The following CATSPERD variants were observed in gnomAD, a reference collection of about 807,000 sequenced individuals.
CATSPERD encodes cation channel sperm-associated auxiliary subunit delta.
Under a neutral mutation model 98.1 loss-of-function variants are expected in CATSPERD, and 86 were observed. That is an observed-to-expected ratio of 0.88 (90% confidence interval 0.74 to 1.05). CATSPERD has a LOEUF of 1.05. Among genes scored for constraint, CATSPERD ranks in the 50% least tolerant of loss-of-function variants. The pLI is 0.00. For missense variants in CATSPERD, 995 were observed against 1,005.7 expected, an observed-to-expected ratio of 0.99 and a Z score of 0.14; for synonymous variants, 394 against 390.2, an observed-to-expected ratio of 1.01 and a Z score of -0.12.
At chr19:5,754,092 C>A in intron 12 of CATSPERD, 40 bp from the exon 13 acceptor site, 1 of 1,388,090 alleles carries the variant, frequency 7.2e-7, no homozygotes, top group Non-Finnish European at 1.0e-6. Flanking sequence ...TTTATGGGAA[C>A]AGGAGCATGA....
chr19:5,738,302 T>A (rs1336395382), intron 6 of CATSPERD, among the ~76,000 whole-genome samples: 1 of 147,494 alleles, frequency 6.8e-6, no homozygotes, highest in Non-Finnish European at 1.5e-5. Flanking sequence ...AGCTTACAAA[T>A]TCGAGGCTAA....
chr19:5,739,809 A>G (rs1257960311), intron 7 of CATSPERD, among the ~76,000 whole-genome samples: 1 of 146,956 alleles, frequency 6.8e-6, no homozygotes, highest in Admixed American at 7.1e-5. Flanking sequence ...TCTGCTCTCC[A>G]GCTTGAGTGA....
intron 15 of CATSPERD, among the ~76,000 whole-genome samples, chr19:5,762,058 A>ATATATATATATATATATATTTTTTT: frequency 1.9e-4 from 2 of 10,434 alleles, no homozygotes; most frequent in Non-Finnish European, 1.8e-4. Flanking sequence ...ATATATATAT[A>ATATATATATATATATATATTTTTTT]TTTTTTTTTT....
In CATSPERD at chr19:5,778,554, G is replaced by C. The variant is rs775834579; in HGVS notation, c.2275G>C (p.Ala759Pro). The part of the protein sequence containing the change: ...TARGRRIKKC[A>P]TQLCRRCKTV... The stretch of plus-strand genomic sequence containing the variant: ...ACGCGGCCGCAGGATCAAGAAGTGT[G>C]CGACACAGCTGTGTAGGAGATGCAA... Residue 759 changes from alanine to proline, a missense_variant, in exon 22 of 22, where the codon GCG becomes CCG. By Grantham distance (27) the Ala-to-Pro change is conservative. This residue lies in a region of CATSPERD where 762 missense variants were observed against 773.7 expected (regional missense o/e 0.98). Coordinates refer to ENST00000381624, the MANE Select transcript of CATSPERD (RefSeq NM_152784.4). 4 of 1,613,922 alleles carry C rather than the reference G, an allele frequency of 2.5e-6. No homozygotes were observed. Among genetic ancestry groups the C allele is most frequent in the Non-Finnish European group, 2.5e-6 (3 of 1,180,038 alleles).
rs150176955 is a variant in CATSPERD, at chr19:5,747,321, G to A, written c.809-839G>A. On this transcript the variant is annotated intron_variant, in intron 9 of 21. Coordinates refer to ENST00000381624, the MANE Select transcript of CATSPERD (RefSeq NM_152784.4). ...TCCCAGTAACTGGGACTACAGGTGCGCCACCATGCATAACTAACTTATTTT... is the reference window on the plus strand; with the variant it reads ...TCCCAGTAACTGGGACTACAGGTGCACCACCATGCATAACTAACTTATTTT... Among the ~76,000 whole-genome samples, 889 of 151,052 alleles carry A rather than the reference G, an allele frequency of 5.9e-3. 8 individuals are homozygous for A. Among genetic ancestry groups the A allele is most frequent in the Middle Eastern group, 0.011 (3 of 284 alleles).
intron 15 of CATSPERD, among the ~76,000 whole-genome samples, chr19:5,762,659 G>A (rs1009252518): frequency 2.6e-5 from 4 of 150,994 alleles, no homozygotes; most frequent in Non-Finnish European, 4.4e-5. Context: ...ATGGATAGAT[G>A]GATGAGTGAA....
intron 16 of CATSPERD, among the ~76,000 whole-genome samples, chr19:5,764,685 T>G (rs1599581717): frequency 6.6e-6 from 1 of 151,316 alleles, no homozygotes; most frequent in Middle Eastern, 3.4e-3. Flanking sequence ...GGCGCAATCT[T>G]GGCTCACTGT....
intron 7 of CATSPERD, among the ~76,000 whole-genome samples, chr19:5,742,306 ATG>A (rs368232964): frequency 0.42 from 57,984 of 137,104 alleles, 12,824 homozygotes; most frequent in Non-Finnish European, 0.49. Flanking sequence ...ACGTATGTGA[ATG>A]TGTGTGTGGG....
At chr19:5,754,075 C>G (rs569299949) in intron 12 of CATSPERD, 57 bp from the exon 13 acceptor site, 1 of 1,211,368 alleles carries the variant, frequency 8.3e-7, no homozygotes, top group African/African-American at 1.5e-5. Context: ...CACCTCCTTG[C>G]CCTTTCTTTA....
rs1216347741 is a variant in CATSPERD, at chr19:5,741,088, A to AAAAAG, written c.573+1664_573+1668dup. Among the ~76,000 whole-genome samples the AAAAAG allele has an allele frequency of 3.4e-5, 5 of 148,720 alleles. No individual in the cohort carries two copies. In the East Asian group the frequency reaches 9.7e-4, roughly 29 times the overall value. On this transcript the variant is annotated intron_variant, in intron 7 of 21. Transcript: ENST00000381624. ...TGACAGAGTGAGACCCTGTCTTAAA[A>AAAAAG]AAAAGAAAAGAAAAGAAAAAAGCTA...
chr19:5,758,959 G>C, intron 14 of CATSPERD, 127 bp from the exon 15 acceptor site: 1 of 780,958 alleles, frequency 1.3e-6, no homozygotes, highest in Non-Finnish European at 2.3e-6. Flanking sequence ...AACAGAGTGG[G>C]GCTAAGCGGC....
At position 5,750,173 on chromosome 19, in the gene CATSPERD, G is replaced by A. The variant is rs1268194775; in HGVS notation, c.987+990G>A. Among the ~76,000 whole-genome samples the A allele has an allele frequency of 2.7e-5, 4 of 150,570 alleles. No homozygotes were observed. In the East Asian group the frequency reaches 7.9e-4, roughly 30 times the overall value. ...AAAATAAAAGAATTATTTTGGCCGG[G>A]CGTGGTGGCTCACGCCTGTAATCCC... On this transcript the variant is annotated intron_variant, in intron 11 of 21. Transcript: ENST00000381624.
chr19:5,760,129 A>G (rs1264380930), intron 15 of CATSPERD, among the ~76,000 whole-genome samples: 1 of 139,838 alleles, frequency 7.2e-6, no homozygotes, highest in African/African-American at 2.7e-5. Flanking sequence ...ACACTTTGGG[A>G]GGCTGAGGCA....
At chr19:5,739,037 T>C (rs2055904502) in intron 6 of CATSPERD, among the ~76,000 whole-genome samples, 2 of 152,016 alleles carry the variant, frequency 1.3e-5, no homozygotes, top group African/African-American at 4.8e-5. Context: ...CTAACTTTGG[T>C]ATTTTTTAGG....
intron 3 of CATSPERD, among the ~76,000 whole-genome samples, chr19:5,728,488 G>A (rs1034681761): frequency 6.6e-6 from 1 of 151,648 alleles, no homozygotes; most frequent in Non-Finnish European, 1.5e-5. Flanking sequence ...ACAGGAGTTC[G>A]AGGGGGTACA....
At position 5,758,984 on chromosome 19, in the gene CATSPERD, C is replaced by T. The variant is rs2056381545; in HGVS notation, c.1369-102C>T. 2.4e-5 allele frequency: 26 copies of T among 1,063,704 alleles called. No homozygotes were observed. In the South Asian group the frequency reaches 2.8e-4, roughly 11 times the overall value. 65.9% of individuals were successfully genotyped at this position (1,063,704 alleles called of 1,614,324 possible). A position where few individuals can be genotyped will look rare whatever the true frequency, so the allele number is the denominator to read the frequency against. ...GGCTAAGCGGCTTCCAGGTTCGTCC[C>T]CCCATGTCCCCTCCAACACCCCATC... is the stretch of plus-strand genomic sequence containing the variant. On this transcript the variant is annotated intron_variant, in intron 14 of 21. Transcript: ENST00000381624.
In CATSPERD at chr19:5,772,850, G is replaced by C. The variant is rs200648609; in HGVS notation, c.1826G>C (p.Gly609Ala). ...DAEYVLLEVN[G>A]QFSYSYSLTA... is the part of the protein sequence containing the mutation. ...GAGTATGTGTTACTGGAGGTGAACG[G>C]GCAGTTCTCATACTCCTATTCCCTG... The change falls in exon 20 of 22, where the codon GGG (glycine) becomes GCG (alanine). Residue 609 changes from glycine (G) to alanine (A), a missense_variant. Gly to Ala is a moderately conservative substitution (Grantham distance 60). Coordinates refer to ENST00000381624, the MANE Select transcript of CATSPERD (RefSeq NM_152784.4). The C allele has an allele frequency of 1.2e-6, 2 of 1,614,052 alleles. No homozygotes were observed. Among genetic ancestry groups the C allele is most frequent in the East Asian group, 2.2e-5 (1 of 44,864 alleles).
At chr19:5,748,934 T>C (rs1354257322) in intron 10 of CATSPERD, among the ~76,000 whole-genome samples, 167 bp from the exon 11 acceptor site, 2 of 151,658 alleles carry the variant, frequency 1.3e-5, no homozygotes, top group African/African-American at 4.8e-5. Flanking sequence ...TTCACCATGT[T>C]GGCCAGGCTG....
At chr19:5,739,264 C>T in intron 6 of CATSPERD, 62 bp from the exon 7 acceptor site, 2 of 915,912 alleles carry the variant, frequency 2.2e-6, no homozygotes, top group East Asian at 2.4e-5. Flanking sequence ...CTGGGATAAA[C>T]GTTCAGGAAC....
Sources: gnomAD v4.1 joint callset for allele counts (sites outside exome capture counted in the v4.1 genomes callset) on GRCh38, gnomAD v4.1.1 for gene constraint, gnomAD v4.1.1 regional missense constraint, MANE v1.5 for transcripts, NCBI Gene and HGNC (gene_info 2026-07-23, HGNC 2026-07-21) for gene names.